Variants in RBFOX1 observed in about 807,000 individuals in gnomAD.
RBFOX1 encodes RNA binding fox-1 homolog 1, also known as RNA binding protein fox-1 homolog 1.
Under a neutral mutation model 57.7 loss-of-function variants are expected in RBFOX1, and 8 were observed. The observed-to-expected ratio is 0.14, with a 90% CI of 0.08 to 0.25. RBFOX1 has a LOEUF of 0.25. RBFOX1 is among the 10% of genes least tolerant of loss of function. The pLI is 1.00. For synonymous variants in RBFOX1, 326 were observed against 222.4 expected, an observed-to-expected ratio of 1.47 and a Z score of -4.15; for missense variants, 611 against 548.5, an observed-to-expected ratio of 1.11 and a Z score of -1.14.
In RBFOX1 at chr16:7,314,921, A is replaced by T. The variant is rs1603619018; in HGVS notation, c.28-203226A>T. 3.3e-5 allele frequency among the ~76,000 whole-genome samples: 5 copies of T among 152,278 alleles called. No homozygotes were observed. In the South Asian group the frequency reaches 1.0e-3, roughly 32 times the overall value. ...GTTATCGAGGACATTTATTTTCCGG[A>T]TTGGGAATTCTGGATGTAGGAAAGT... On this transcript the variant is annotated intron_variant, in intron 4 of 15. Transcript: ENST00000550418.
chr16:6,070,483 A>T (rs2095822667), intron 1 of RBFOX1, among the ~76,000 whole-genome samples: 1 of 152,180 alleles, frequency 6.6e-6, no homozygotes, highest in African/African-American at 2.4e-5. Flanking sequence ...GCTAGGGCAC[A>T]CTCAAATATC....
chr16:5,598,607 G>T (rs562635227), intron 2 of RBFOX1, among the ~76,000 whole-genome samples: 1 of 152,062 alleles, frequency 6.6e-6, no homozygotes, highest in South Asian at 2.1e-4. Flanking sequence ...TATTAATGAG[G>T]TGTTTTATAT....
chr16:6,959,098 T>G (rs74008476), intron 3 of RBFOX1, among the ~76,000 whole-genome samples: 6,381 of 152,266 alleles, frequency 0.042, 170 homozygotes, highest in East Asian at 0.083. Flanking sequence ...GGCATTTTCT[T>G]TTTTCTATCG....
At chr16:6,835,796 T>C (rs1164446326) in intron 3 of RBFOX1, among the ~76,000 whole-genome samples, 2 of 147,252 alleles carry the variant, frequency 1.4e-5, no homozygotes, top group African/African-American at 5.0e-5. Flanking sequence ...GTATCATGTG[T>C]AGCTCTAAAT....
intron 3 of RBFOX1, among the ~76,000 whole-genome samples, chr16:6,749,676 T>A (rs567301109): frequency 4.6e-5 from 7 of 152,280 alleles, no homozygotes; most frequent in African/African-American, 1.7e-4. Flanking sequence ...GTAACAAATC[T>A]TAGTGACCTC....
intron 4 of RBFOX1, among the ~76,000 whole-genome samples, chr16:5,932,486 A>C (rs867919025): frequency 2.0e-5 from 3 of 152,226 alleles, no homozygotes; most frequent in African/African-American, 7.2e-5. Context: ...CTAAGCAGAC[A>C]GAGACCCCAG....
At chr16:5,744,259 G>C (rs768461592) in intron 3 of RBFOX1, among the ~76,000 whole-genome samples, 1 of 152,114 alleles carries the variant, frequency 6.6e-6, no homozygotes, top group African/African-American at 2.4e-5. Context: ...AGCTGCCCTT[G>C]AATGAATTGC....
At chr16:5,716,919 C>T (rs1019693805) in intron 3 of RBFOX1, among the ~76,000 whole-genome samples, 2 of 152,138 alleles carry the variant, frequency 1.3e-5, no homozygotes, top group African/African-American at 2.4e-5. Context: ...CTCCCAGCAC[C>T]GGAGCCTGGA....
intron 2 of RBFOX1, among the ~76,000 whole-genome samples, chr16:6,405,862 A>C (rs1296096947): frequency 6.6e-6 from 1 of 152,216 alleles, no homozygotes; most frequent in Non-Finnish European, 1.5e-5. Flanking sequence ...GGGAGAAAAC[A>C]ACTTCTATTA....
At chr16:7,122,414 G>A (rs1600151194) in intron 4 of RBFOX1, among the ~76,000 whole-genome samples, 1 of 152,150 alleles carries the variant, frequency 6.6e-6, no homozygotes, top group East Asian at 1.9e-4. Context: ...GAAAAGAAGA[G>A]AAGAGGATAT....
intron 3 of RBFOX1, among the ~76,000 whole-genome samples, chr16:5,667,934 A>G (rs573174634): frequency 4.6e-5 from 7 of 152,188 alleles, no homozygotes; most frequent in Non-Finnish European, 8.8e-5. Flanking sequence ...ATCTACCTGT[A>G]GACCACTTTG....
intron 3 of RBFOX1, among the ~76,000 whole-genome samples, chr16:6,876,743 T>A (rs9938245): frequency 1.3e-5 from 2 of 151,892 alleles, no homozygotes; most frequent in Non-Finnish European, 2.9e-5. Context: ...GTCCCTGCAT[T>A]GTAATTTGTG....
At chr16:7,591,084 G>A (rs1223233264) in intron 7 of RBFOX1, among the ~76,000 whole-genome samples, 4 of 152,114 alleles carry the variant, frequency 2.6e-5, no homozygotes, top group South Asian at 2.1e-4. Context: ...AGTCCGGACA[G>A]GCAGGCTGAT....
chr16:6,891,377 G>C (rs1355681176), intron 3 of RBFOX1, among the ~76,000 whole-genome samples: 1 of 151,980 alleles, frequency 6.6e-6, no homozygotes, highest in Non-Finnish European at 1.5e-5. Flanking sequence ...CACTAAATTT[G>C]GGTCTACCCA....
chr16:7,276,328 G>T (rs1224126228), intron 4 of RBFOX1, among the ~76,000 whole-genome samples: 2 of 152,150 alleles, frequency 1.3e-5, no homozygotes, highest in Non-Finnish European at 2.9e-5. Context: ...AGTGATGTCA[G>T]TCTGTTTGGA....
chr16:6,888,712 G>C (rs185393835), intron 3 of RBFOX1, among the ~76,000 whole-genome samples: 5 of 152,132 alleles, frequency 3.3e-5, no homozygotes, highest in African/African-American at 9.7e-5. Context: ...TGGGGGAAGG[G>C]AGACCATTGT....
intron 4 of RBFOX1, among the ~76,000 whole-genome samples, chr16:5,887,370 C>A (rs1293243189): frequency 6.6e-6 from 1 of 152,118 alleles, no homozygotes; most frequent in African/African-American, 2.4e-5. Context: ...CAATGGATTT[C>A]CTTCTACCTT....
intron 12 of RBFOX1, 65 bp from the exon 13 acceptor site, chr16:7,664,864 G>A: frequency 6.2e-7 from 1 of 1,613,750 alleles, no homozygotes; most frequent in Non-Finnish European, 8.5e-7. Flanking sequence ...CAGTGCAGGG[G>A]TTGGTGTGTC....
rs538344227 is a variant in RBFOX1, at chr16:6,180,910, A to T, written c.-126-136085A>T. Among the ~76,000 whole-genome samples the T allele has an allele frequency of 5.3e-5, 8 of 152,152 alleles. No individual in the cohort carries two copies. In the South Asian group the frequency reaches 1.7e-3, roughly 32 times the overall value. On this transcript the variant is annotated intron_variant, in intron 1 of 15. Coordinates refer to ENST00000550418, the MANE Select transcript of RBFOX1 (RefSeq NM_018723.4). ...ATTTCTGAAAGTTTTTATATTATCT[A>T]TATAGCTTAAAGACCAGCCAAAAAT...
Sources: allele counts gnomAD v4.1 joint callset (sites outside exome capture counted in the v4.1 genomes callset), GRCh38; gene constraint gnomAD v4.1.1; transcripts MANE v1.5; gene names NCBI Gene and HGNC (gene_info 2026-07-23, HGNC 2026-07-21).